Variants in GCLC observed in about 807,000 individuals in gnomAD.
GCLC encodes the protein glutamate--cysteine ligase catalytic subunit.
A neutral mutation model predicts 81.5 loss-of-function variants in GCLC; 30 were observed. The observed-to-expected ratio is 0.37, with a 90% confidence interval of 0.28 to 0.50. The LOEUF is 0.50. Ranked by LOEUF, GCLC falls within the 20% of genes least tolerant of loss-of-function variation. The probability of loss-of-function intolerance (pLI) is 0.96; values close to 1 mark genes in which losing one functional copy is unlikely to be tolerated. For synonymous variants in GCLC, 262 were observed against 273.3 expected, an observed-to-expected ratio of 0.96 and a Z score of 0.41; for missense variants, 556 against 777.4, an observed-to-expected ratio of 0.72 and a Z score of 3.39.
In GCLC at chr6:53,544,820, GC is replaced by G; in HGVS notation, c.-176del. The G allele has an allele frequency of 1.9e-6, 1 of 515,818 alleles. No homozygotes were observed. The highest frequency in any genetic ancestry group is 3.2e-6 in the Non-Finnish European group (1 of 312,570). 32.0% of individuals were successfully genotyped at this position (515,818 alleles called of 1,614,324 possible). ...TGCCCGCTCCGGCTCCCCGGCGGCG[GC>G]CCCTGGCGCCCAGGTGACAGACCCT... On this transcript the variant is annotated 5_prime_UTR_variant, in exon 1 of 16. Coordinates refer to ENST00000650454, the MANE Select transcript of GCLC (RefSeq NM_001498.4).
In GCLC at chr6:53,544,956, G is replaced by C. The variant is rs1272442440; in HGVS notation, c.-311C>G. ...CTGCTCCTCCTCCCGCTCCGATGCG[G>C]CGGCGGCGGACCCCACGGCCGCGCT... On this transcript the variant is annotated 5_prime_UTR_variant, in exon 1 of 16. Transcript: ENST00000650454. 1 of 214,034 alleles carries C rather than the reference G, an allele frequency of 4.7e-6. No homozygotes were observed. Among genetic ancestry groups the C allele is most frequent in the African/African-American group, 2.3e-5 (1 of 43,420 alleles). The allele number at this position is 214,034 out of a possible 1,614,324, so 13.3% of individuals were successfully genotyped here.
At chr6:53,526,039 C>T (rs527951906) in intron 1 of GCLC, among the ~76,000 whole-genome samples, 2 of 152,162 alleles carry the variant, frequency 1.3e-5, no homozygotes, top group Non-Finnish European at 2.9e-5. Flanking sequence ...CCACTATTCT[C>T]AGCTGTCAAA....
At chr6:53,534,822 A>G (rs372758810) in intron 1 of GCLC, among the ~76,000 whole-genome samples, 7 of 152,324 alleles carry the variant, frequency 4.6e-5, no homozygotes, top group East Asian at 1.9e-4. Flanking sequence ...TGAAAGATGT[A>G]AGTAGAGTGG....
In GCLC at chr6:53,500,237, A is replaced by G; in HGVS notation, c.1581+10T>C. ...ACAGTGAGGGGTACTGTACAGGGCC[A>G]CCCTCCTACCTTCCCATTGATGATG... On this transcript the variant is annotated intron_variant, in intron 14 of 15. Coordinates refer to ENST00000650454, the MANE Select transcript of GCLC (RefSeq NM_001498.4). The G allele has an allele frequency of 6.2e-7, 1 of 1,613,040 alleles. No homozygotes were observed. The highest frequency in any genetic ancestry group is 8.5e-7 in the Non-Finnish European group (1 of 1,179,094).
In GCLC at chr6:53,498,459, C is replaced by A; in HGVS notation, c.*297G>T. On this transcript the variant is annotated 3_prime_UTR_variant, in exon 16 of 16. Coordinates refer to ENST00000650454, the MANE Select transcript of GCLC (RefSeq NM_001498.4). Reference sequence around the variant, plus strand: ...TACAATTACCAGTACATTTACAAAACTGCTTAGACAGTAGGTTGCTCCAGA... The same window carrying A: ...TACAATTACCAGTACATTTACAAAAATGCTTAGACAGTAGGTTGCTCCAGA... 2.9e-6 allele frequency: 1 copy of A among 349,532 alleles called. No homozygotes were observed. Among genetic ancestry groups the A allele is most frequent in the Non-Finnish European group, 5.3e-6 (1 of 189,852 alleles). The allele number at this position is 349,532 out of a possible 1,614,324, so 21.7% of individuals were successfully genotyped here. A position where few individuals can be genotyped will look rare whatever the true frequency, so the allele number is the denominator to read the frequency against.
intron 1 of GCLC, 52 bp from the exon 2 acceptor site, chr6:53,522,579 G>C (rs1763017488): frequency 8.8e-7 from 1 of 1,141,910 alleles, no homozygotes; most frequent in Non-Finnish European, 1.3e-6. Context: ...CTTGTTTTCA[G>C]TGTGGCCTCC....
At chr6:53,505,156 T>C (rs1040633674) in intron 12 of GCLC, 8 of 477,108 alleles carry the variant, frequency 1.7e-5, no homozygotes, top group African/African-American at 1.6e-4. Flanking sequence ...TGGGATTTTG[T>C]GGTGGATGAA....
intron 1 of GCLC, among the ~76,000 whole-genome samples, chr6:53,538,321 A>C (rs1581750587): frequency 7.2e-6 from 1 of 139,216 alleles, no homozygotes. Context: ...CTGGCAAGCT[A>C]TGCATTTTCT....
chr6:53,519,740 C>A (rs1235643725), intron 3 of GCLC, among the ~76,000 whole-genome samples: 1 of 152,086 alleles, frequency 6.6e-6, no homozygotes, highest in Non-Finnish European at 1.5e-5. Context: ...CTGGGTTTTT[C>A]CTTCTGGGGG....
rs1226656681 is a variant in GCLC, at chr6:53,506,859, C to G, written c.1197+54G>C. 2.1e-6 allele frequency: 2 copies of G among 939,106 alleles called. No homozygotes were observed. The highest frequency in any genetic ancestry group is 3.5e-6 in the Non-Finnish European group (2 of 577,840). The allele number at this position is 939,106 out of a possible 1,614,324, so 58.2% of individuals were successfully genotyped here. On this transcript the variant is annotated intron_variant, in intron 10 of 15. Transcript: ENST00000650454. The surrounding 1 kb of genome is among the most constrained non-coding windows in gnomAD (Gnocchi z 4.0). Reference sequence around the variant, plus strand: ...TGAAATGCATATAAAACAGAGGATTCCAGACTCTCAGAAGTCAATACATAA... The same window carrying G: ...TGAAATGCATATAAAACAGAGGATTGCAGACTCTCAGAAGTCAATACATAA...
chr6:53,530,346 C>T (rs1436274570), intron 1 of GCLC, among the ~76,000 whole-genome samples: 1 of 152,164 alleles, frequency 6.6e-6, no homozygotes, highest in East Asian at 1.9e-4. Flanking sequence ...TAGTGGATCC[C>T]ACCAACAGAG....
rs74723394 is a variant in GCLC at position 53,510,675 on chromosome 6, C to A, written c.754-1425G>T. On this transcript the variant is annotated intron_variant, in intron 6 of 15. Transcript: ENST00000650454. ...CAGTGTTTAAGACTTGAAATAACAG[C>A]AGCTAAGTGAATATTTTACTGTTAT... Among the ~76,000 whole-genome samples, 511 of 152,260 alleles carry A rather than the reference C, an allele frequency of 3.4e-3. 4 individuals are homozygous for A. The highest frequency in any genetic ancestry group is 0.017 in the South Asian group (83 of 4,824).
chr6:53,532,380 G>A (rs1289655956), intron 1 of GCLC, among the ~76,000 whole-genome samples: 1 of 152,186 alleles, frequency 6.6e-6, no homozygotes, highest in Admixed American at 6.5e-5. Flanking sequence ...TGTATAAAGC[G>A]ATCTGCGTAT....
chr6:53,526,110 G>A (rs535895202), intron 1 of GCLC, among the ~76,000 whole-genome samples: 1 of 152,230 alleles, frequency 6.6e-6, no homozygotes, highest in Admixed American at 6.5e-5. Context: ...TACTATCCCT[G>A]AGCTGTTGAA....
At chr6:53,526,848 A>G (rs1198788340) in intron 1 of GCLC, among the ~76,000 whole-genome samples, 4 of 152,132 alleles carry the variant, frequency 2.6e-5, no homozygotes, top group African/African-American at 9.7e-5. Flanking sequence ...TATTTTATGA[A>G]ATACTAATTT....
intron 1 of GCLC, among the ~76,000 whole-genome samples, chr6:53,536,766 C>G (rs1048580176): frequency 5.9e-5 from 9 of 152,142 alleles, no homozygotes; most frequent in African/African-American, 2.2e-4. Context: ...CAGACAGTAC[C>G]AATCAATGAG....
intron 4 of GCLC, among the ~76,000 whole-genome samples, chr6:53,514,755 C>T (rs1263800278): frequency 1.3e-5 from 2 of 152,166 alleles, no homozygotes; most frequent in Non-Finnish European, 2.9e-5. Context: ...TCCCAAGGCT[C>T]CCTGTAACTT....
intron 1 of GCLC, among the ~76,000 whole-genome samples, chr6:53,538,403 T>C (rs1292657407): frequency 1.3e-5 from 2 of 151,656 alleles, no homozygotes; most frequent in African/African-American, 4.8e-5. Flanking sequence ...CTAGGCTCAC[T>C]GCAAGATCCG....
Position 53,520,933 on chromosome 6 carries a change from A to G in GCLC, c.291T>C (p.Tyr97=). ...PNHPTLWRPE[Y]GSYMIEGTPG... is the part of the protein sequence containing the mutation. ...GTGTCCCTTCAATCATGTAACTCCC[A>G]TACTCTGGTCTCCAAAGGGTAGGAT... Residue 97 remains tyrosine, a synonymous_variant, in exon 3 of 16, where the codon TAT becomes TAC. Coordinates refer to ENST00000650454, the MANE Select transcript of GCLC (RefSeq NM_001498.4). 2 of 1,613,818 alleles carry G rather than the reference A, an allele frequency of 1.2e-6. No homozygotes were observed. Among genetic ancestry groups the G allele is most frequent in the Non-Finnish European group, 1.7e-6 (2 of 1,179,720 alleles).
Sources: allele counts gnomAD v4.1 joint callset (sites outside exome capture counted in the v4.1 genomes callset), GRCh38; gene constraint gnomAD v4.1.1; non-coding constraint Gnocchi (gnomAD v3.1); transcripts MANE v1.5; gene names NCBI Gene and HGNC (gene_info 2026-07-23, HGNC 2026-07-21).